The following AP1B1 variants were observed in gnomAD, a reference collection of about 807,000 sequenced individuals.
The protein encoded by AP1B1 is AP-1 complex subunit beta-1.
AP1B1 carries 36 observed loss-of-function variants against 104.3 expected under a neutral mutation model. The ratio of observed to expected loss-of-function variants is 0.35; its 90% CI spans 0.26 to 0.46. The LOEUF is 0.46. Ranked by LOEUF, AP1B1 falls within the 20% of genes least tolerant of loss-of-function variation. AP1B1 has a pLI of 1.00. For synonymous variants in AP1B1, 504 were observed against 517.5 expected (o/e 0.97, Z 0.35); for missense variants, 901 against 1,247.9 (o/e 0.72, Z 4.19).
At chr22:29,351,361 G>A (rs556951764) in intron 8 of AP1B1, 95 bp from the exon 9 acceptor site, 1 of 1,360,322 alleles carries the variant, frequency 7.4e-7, no homozygotes, top group African/African-American at 1.4e-5. Flanking sequence ...CTCCCTAGGA[G>A]AATGGGATTC....
intron 1 of AP1B1, among the ~76,000 whole-genome samples, chr22:29,368,623 T>C (rs1187870836): frequency 1.3e-5 from 2 of 152,168 alleles, no homozygotes; most frequent in Non-Finnish European, 2.9e-5. Flanking sequence ...CAAGGTCAAA[T>C]GGCTTGTAAG....
intron 1 of AP1B1, among the ~76,000 whole-genome samples, chr22:29,375,349 C>CAAAA (rs547697174): frequency 5.2e-5 from 3 of 57,358 alleles, no homozygotes; most frequent in African/African-American, 6.4e-5. Context: ...GATTCCATCA[C>CAAAA]AAAAAAAAAA....
intron 11 of AP1B1, among the ~76,000 whole-genome samples, chr22:29,342,630 T>C (rs550362030): frequency 1.3e-5 from 2 of 152,236 alleles, no homozygotes; most frequent in East Asian, 3.8e-4. Flanking sequence ...CAAACCCAAG[T>C]AGGCCAGGGG....
chr22:29,328,553 G>C lies in AP1B1; in HGVS notation c.*268C>G, dbSNP rs2147923320. On this transcript the variant is annotated 3_prime_UTR_variant, in exon 23 of 23. Transcript: ENST00000357586. The surrounding 1 kb of genome is among the most constrained non-coding windows in gnomAD (Gnocchi z 4.1). ...CAGCTTCTGTGGCTGCTCTGGCTCT[G>C]TTTCCTTTGGTCCCCACCTCACTTA... The C allele has an allele frequency of 2.3e-6, 1 of 436,348 alleles. No individual in the cohort carries two copies. The highest frequency in any genetic ancestry group is 4.2e-6 in the Non-Finnish European group (1 of 237,178). The allele number at this position is 436,348 out of a possible 1,614,324, so 27.0% of individuals were successfully genotyped here. A position where few individuals can be genotyped will look rare whatever the true frequency, so the allele number is the denominator to read the frequency against.
intron 7 of AP1B1, among the ~76,000 whole-genome samples, chr22:29,352,532 C>A (rs1187065069): frequency 6.6e-6 from 1 of 152,164 alleles, no homozygotes; most frequent in Non-Finnish European, 1.5e-5. Context: ...ACAAGGAAGC[C>A]TCTCATGGAA....
chr22:29,352,035 C>T (rs572626079), intron 7 of AP1B1, among the ~76,000 whole-genome samples: 4 of 152,340 alleles, frequency 2.6e-5, no homozygotes, highest in East Asian at 3.9e-4. Flanking sequence ...TGCCTGAGCA[C>T]GTCGCCGGAA....
At chr22:29,384,072 G>C (rs968749166) in intron 1 of AP1B1, among the ~76,000 whole-genome samples, 4 of 152,146 alleles carry the variant, frequency 2.6e-5, no homozygotes, top group Admixed American at 6.5e-5. Flanking sequence ...GCTCTCCCAG[G>C]TTCTACAAAG....
chr22:29,329,183 C>T (rs1224014437), intron 22 of AP1B1: 2 of 1,257,344 alleles, frequency 1.6e-6, no homozygotes, highest in Non-Finnish European at 2.0e-6. Context: ...CCAGGGAGTG[C>T]CCGGCCCCCA....
rs903023667 is a variant in AP1B1, at chr22:29,387,227, C to G, written c.-28+1197G>C. Among the ~76,000 whole-genome samples the G allele has an allele frequency of 3.3e-5, 5 of 152,106 alleles. No individual in the cohort carries two copies. The East Asian group carries it at 9.6e-4, about 29-fold the overall frequency. The stretch of plus-strand genomic sequence containing the variant: ...ATCCTAAAGAAAGTAAGTCGAATGC[C>G]CCTTATGAAGATCAGACAAAAAGCA... On this transcript the variant is annotated intron_variant, in intron 1 of 22. Transcript: ENST00000357586.
intron 6 of AP1B1, among the ~76,000 whole-genome samples, chr22:29,355,957 G>A (rs192824884): frequency 2.5e-4 from 38 of 152,210 alleles, no homozygotes; most frequent in African/African-American, 8.9e-4. Context: ...TATCTTGTTG[G>A]TTAAGACCAT....
At chr22:29,363,362 G>C (rs949558327) in intron 2 of AP1B1, among the ~76,000 whole-genome samples, 2 of 152,102 alleles carry the variant, frequency 1.3e-5, no homozygotes, top group Admixed American at 1.3e-4. Context: ...TTAAAATGCT[G>C]AGGATTGGCC....
Position 29,384,093 on chromosome 22 carries a change from C to A in AP1B1, c.-28+4331G>T, listed in dbSNP as rs117728644. 2.4e-4 allele frequency among the ~76,000 whole-genome samples: 36 copies of A among 152,300 alleles called. No homozygotes were observed. In the East Asian group the frequency reaches 5.6e-3, roughly 24 times the overall value. On this transcript the variant is annotated intron_variant, in intron 1 of 22. Coordinates refer to ENST00000357586, the MANE Select transcript of AP1B1 (RefSeq NM_001127.4). ...CCAGGTTCTACAAAGCAAACAGGCA[C>A]AACTGCAGCACAACTGTAAAATGGG...
In AP1B1 at chr22:29,339,089, T is replaced by G; in HGVS notation, c.2064A>C (p.Pro688=). 6.2e-7 allele frequency: 1 copy of G among 1,614,136 alleles called. No individual in the cohort carries two copies. Reference sequence around the variant, plus strand: ...TGCCGATGGGTGCTCCAAGATTGGCTGGTACTGCTGCTGTTGGAGGTGCCA... The same window carrying G: ...TGCCGATGGGTGCTCCAAGATTGGCGGGTACTGCTGCTGTTGGAGGTGCCA... ...NFVAPPTAAV[P]ANLGAPIGSG... The change falls in exon 16 of 23, where the codon CCA becomes CCC. Residue 688 remains proline (P), a synonymous_variant. Transcript: ENST00000357586.
chr22:29,354,359 G>C (rs1390788854), intron 7 of AP1B1, among the ~76,000 whole-genome samples: 1 of 152,166 alleles, frequency 6.6e-6, no homozygotes, highest in Non-Finnish European at 1.5e-5. Context: ...GGGCTGGACA[G>C]TTACTGTGAG....
chr22:29,360,141 G>A (rs1040642033), intron 3 of AP1B1, among the ~76,000 whole-genome samples, 182 bp from the exon 4 acceptor site: 11 of 152,302 alleles, frequency 7.2e-5, no homozygotes, highest in Middle Eastern at 3.4e-3. Flanking sequence ...TTGATAGAAA[G>A]GGAATCCCAA....
intron 2 of AP1B1, among the ~76,000 whole-genome samples, chr22:29,364,661 G>A (rs1029829289): frequency 8.6e-5 from 13 of 151,066 alleles, no homozygotes; most frequent in African/African-American, 1.7e-4. Flanking sequence ...TGATCCGCCC[G>A]CCTTGGTCTC....
intron 1 of AP1B1, among the ~76,000 whole-genome samples, chr22:29,370,106 CA>C (rs1317910250): frequency 6.6e-6 from 1 of 151,770 alleles, no homozygotes; most frequent in Non-Finnish European, 1.5e-5. Flanking sequence ...ACTCACAGGC[CA>C]CAAAGAAACA....
intron 22 of AP1B1, chr22:29,329,477 C>A: frequency 9.4e-6 from 13 of 1,388,018 alleles, no homozygotes; most frequent in Non-Finnish European, 1.2e-5. Context: ...AATGGAGTTC[C>A]GCAGGTCAGC....
chr22:29,337,263 G>A (rs1437782857), intron 16 of AP1B1, among the ~76,000 whole-genome samples: 2 of 152,206 alleles, frequency 1.3e-5, no homozygotes, highest in African/African-American at 4.8e-5. Context: ...TCTCAACCAC[G>A]AAATAGGAGG....
Sources: gnomAD v4.1 joint callset for allele counts (sites outside exome capture counted in the v4.1 genomes callset) on GRCh38, gnomAD v4.1.1 for gene constraint, Gnocchi (gnomAD v3.1) non-coding constraint, MANE v1.5 for transcripts, NCBI Gene and HGNC (gene_info 2026-07-23, HGNC 2026-07-21) for gene names.